WDR47: variants seen among roughly 807,000 people sequenced by gnomAD.
WDR47 encodes WD repeat-containing protein 47.
In WDR47, 32 loss-of-function variants were observed where a neutral mutation model predicts 97.2. The observed-to-expected ratio is 0.33, with a 90% CI of 0.25 to 0.44. The LOEUF (loss-of-function observed/expected upper bound fraction) is 0.44. WDR47 is among the 20% of genes least tolerant of loss of function. The pLI, the probability that WDR47 is intolerant of heterozygous loss-of-function variation, is 1.00. For synonymous variants in WDR47, 375 were observed against 373.5 expected, an observed-to-expected ratio of 1.00 and a Z score of -0.05; for missense variants, 782 against 1,102.3, an observed-to-expected ratio of 0.71 and a Z score of 4.11.
chr1:109,023,759 A>T (rs953978062), intron 1 of WDR47, among the ~76,000 whole-genome samples: 7 of 152,204 alleles, frequency 4.6e-5, no homozygotes, highest in African/African-American at 1.4e-4. Flanking sequence ...AGATTAAATG[A>T]TATAAACTTT....
intron 8 of WDR47, chr1:108,992,160 C>T (rs1659397906): frequency 3.1e-6 from 2 of 640,926 alleles, no homozygotes; most frequent in Non-Finnish European, 5.6e-6. Context: ...AATAAGGAAA[C>T]AAGAGCAAGA....
At chr1:109,005,813 G>A (rs1660562476) in intron 5 of WDR47, among the ~76,000 whole-genome samples, 1 of 152,170 alleles carries the variant, frequency 6.6e-6, no homozygotes, top group African/African-American at 2.4e-5. Flanking sequence ...AGGTTACAGC[G>A]AGCCGAGATC....
chr1:109,021,820 C>A (rs539770202), intron 2 of WDR47, among the ~76,000 whole-genome samples: 1 of 151,780 alleles, frequency 6.6e-6, no homozygotes, highest in Non-Finnish European at 1.5e-5. Flanking sequence ...AGCCACCACG[C>A]CTGGCCTTTT....
intron 5 of WDR47, among the ~76,000 whole-genome samples, chr1:109,006,945 A>T (rs1039212363): frequency 9.3e-5 from 14 of 150,022 alleles, no homozygotes; most frequent in South Asian, 4.3e-4. Context: ...GAAAAAAAAA[A>T]TTTTTTTTTT....
intron 7 of WDR47, among the ~76,000 whole-genome samples, chr1:109,001,674 G>C (rs1375120726): frequency 1.3e-5 from 2 of 152,104 alleles, no homozygotes; most frequent in Non-Finnish European, 2.9e-5. Flanking sequence ...CGGATCGCTT[G>C]AGGCCAGGAG....
intron 1 of WDR47, among the ~76,000 whole-genome samples, chr1:109,036,797 T>C (rs1662986071): frequency 6.6e-6 from 1 of 151,954 alleles, no homozygotes; most frequent in African/African-American, 2.4e-5. Flanking sequence ...ATCATGCCAC[T>C]GCACTACAGC....
intron 6 of WDR47, among the ~76,000 whole-genome samples, chr1:109,002,604 C>T (rs337297): frequency 0.98 from 149,897 of 152,294 alleles, 73,822 homozygotes; most frequent in Middle Eastern, 1. Context: ...TCCACGGAAA[C>T]AGACTGACCG....
rs191200062 is a variant in WDR47 at position 109,003,413 on chromosome 1, A to G, written c.1255-1011T>C. The stretch of plus-strand genomic sequence containing the variant: ...TTAATTTTTTTCTTGCATTGCTATA[A>G]AGAAATATATTCTTAATATTTAGTT... On this transcript the variant is annotated intron_variant, in intron 6 of 14. Coordinates refer to ENST00000369962, the MANE Select transcript of WDR47 (RefSeq NM_001142551.2). Among the ~76,000 whole-genome samples the G allele has an allele frequency of 4.2e-4, 64 of 152,178 alleles. No individual in the cohort carries two copies. In the East Asian group the frequency reaches 0.011, roughly 27 times the overall value.
intron 7 of WDR47, among the ~76,000 whole-genome samples, chr1:108,996,296 T>C (rs978067874): frequency 6.6e-5 from 10 of 152,278 alleles, no homozygotes; most frequent in Admixed American, 5.2e-4. Context: ...GTTCAAGCTA[T>C]CCTCCTGCCT....
intron 1 of WDR47, 33 bp from the exon 2 acceptor site, chr1:109,023,554 T>C: frequency 1.3e-6 from 2 of 1,580,708 alleles, no homozygotes; most frequent in Non-Finnish European, 8.6e-7. Flanking sequence ...ATAAAGCTAG[T>C]CCTATTGATT....
intron 1 of WDR47, among the ~76,000 whole-genome samples, chr1:109,027,471 T>C (rs1031211103): frequency 2.6e-5 from 4 of 152,188 alleles, no homozygotes; most frequent in Non-Finnish European, 4.4e-5. Context: ...CTTGTATTAC[T>C]GAAACATTTA....
At chr1:108,997,253 G>A (rs1417718810) in intron 7 of WDR47, among the ~76,000 whole-genome samples, 18 of 148,118 alleles carry the variant, frequency 1.2e-4, no homozygotes, top group East Asian at 1.0e-3. Flanking sequence ...GAGGGAGCCC[G>A]TCTCTCCCAA....
Position 108,988,890 on chromosome 1 carries a change from T to C in WDR47, c.1768-2210A>G, listed in dbSNP as rs182965626. Among the ~76,000 whole-genome samples, 434 of 152,132 alleles carry C rather than the reference T, an allele frequency of 2.9e-3. 4 individuals are homozygous for C. Among genetic ancestry groups the C allele is most frequent in the African/African-American group, 0.01 (417 of 41,508 alleles). On this transcript the variant is annotated intron_variant, in intron 9 of 14. Transcript: ENST00000369962. ...CTCCTGCCTCAGCCTCCCAAGTAGC[T>C]GGGATTATAGGCATGCACCACCACA...
intron 13 of WDR47, among the ~76,000 whole-genome samples, chr1:108,979,626 A>G (rs889596789): frequency 6.6e-6 from 1 of 152,214 alleles, no homozygotes; most frequent in Admixed American, 6.5e-5. Context: ...CACATGAAAA[A>G]GTTAAATCTT....
At chr1:109,022,948 T>C (rs1349480736) in intron 2 of WDR47, among the ~76,000 whole-genome samples, 1 of 148,804 alleles carries the variant, frequency 6.7e-6, no homozygotes, top group East Asian at 2.1e-4. Flanking sequence ...CTCACGCCTG[T>C]AATCCCAGCA....
chr1:108,984,765 C>T (rs1226051453), intron 10 of WDR47, among the ~76,000 whole-genome samples: 1 of 152,122 alleles, frequency 6.6e-6, no homozygotes, highest in Non-Finnish European at 1.5e-5. Flanking sequence ...GTAGTCCCAG[C>T]TACTCAGGAG....
intron 12 of WDR47, 62 bp downstream of exon 12, chr1:108,982,547 G>C (rs1658427352): frequency 1.7e-5 from 26 of 1,523,898 alleles, no homozygotes; most frequent in South Asian, 4.0e-5. Context: ...AAAATGCAGA[G>C]AGGAAAAAAA....
intron 12 of WDR47, 85 bp downstream of exon 12, chr1:108,982,524 T>C (rs765289808): frequency 8.8e-6 from 13 of 1,476,614 alleles, no homozygotes; most frequent in Non-Finnish European, 1.2e-5. Flanking sequence ...CAAGACCCTG[T>C]CTCTTAGAAA....
At chr1:108,989,083 G>A (rs893655516) in intron 9 of WDR47, among the ~76,000 whole-genome samples, 1 of 152,040 alleles carries the variant, frequency 6.6e-6, no homozygotes, top group Admixed American at 6.6e-5. Flanking sequence ...CTGTCAACCT[G>A]TCCATCCAGA....
Sources: allele counts gnomAD v4.1 joint callset (sites outside exome capture counted in the v4.1 genomes callset), GRCh38; gene constraint gnomAD v4.1.1; transcripts MANE v1.5; gene names NCBI Gene and HGNC (gene_info 2026-07-23, HGNC 2026-07-21).